The following TASOR variants were observed in gnomAD, a reference collection of about 807,000 sequenced individuals.
TASOR encodes protein TASOR.
A neutral mutation model predicts 178.6 loss-of-function variants in TASOR; 53 were observed. The observed-to-expected ratio is 0.30, with a 90% CI of 0.24 to 0.37. The LOEUF is 0.37. Ranked by LOEUF, TASOR falls within the 10% of genes least tolerant of loss-of-function variation. The pLI, the probability that TASOR is intolerant of heterozygous loss-of-function variation, is 1.00. For synonymous variants in TASOR, 713 were observed against 696.2 expected (o/e 1.02, Z -0.38); for missense variants, 1,815 against 1,971.4 (o/e 0.92, Z 1.50).
chr3:56,627,586 T>C lies in TASOR; in HGVS notation c.4026A>G (p.Thr1342=). The change falls in exon 20 of 24, where the codon ACA becomes ACG. Residue 1342 remains threonine (T), a synonymous_variant. Coordinates refer to ENST00000683822, the MANE Select transcript of TASOR (RefSeq NM_001365635.2). The stretch of plus-strand genomic sequence containing the variant: ...CTCAAAAGAACATCATCTTACCAAC[T>C]GTGACAACCTCTGGGTTTAGAATTG... ...DESILNPEVV[T]VENLKNFLTF... The C allele has an allele frequency of 1.2e-6, 2 of 1,613,934 alleles. No individual in the cohort carries two copies. Among genetic ancestry groups the C allele is most frequent in the Non-Finnish European group, 1.7e-6 (2 of 1,179,938 alleles).
intron 1 of TASOR, among the ~76,000 whole-genome samples, chr3:56,681,697 T>C (rs1443526545): frequency 6.6e-6 from 1 of 152,174 alleles, no homozygotes; most frequent in Non-Finnish European, 1.5e-5. Context: ...AAAAAGGAAG[T>C]TGTCTAAATT....
In TASOR at chr3:56,657,676, T is replaced by C. The variant is rs562057475; in HGVS notation, c.1368+3055A>G. Reference sequence around the variant, plus strand: ...AAGTCCAGAGGTGCCAAGAAGACTATGGAGATCTCCCTAAGCATTTACATT... The same window carrying C: ...AAGTCCAGAGGTGCCAAGAAGACTACGGAGATCTCCCTAAGCATTTACATT... On this transcript the variant is annotated intron_variant, in intron 11 of 23. Transcript: ENST00000683822. Among the ~76,000 whole-genome samples the C allele has an allele frequency of 4.6e-5, 7 of 152,318 alleles. No individual in the cohort carries two copies. The South Asian group carries it at 1.2e-3, about 27-fold the overall frequency.
At chr3:56,655,615 A>T (rs1425772466) in intron 11 of TASOR, among the ~76,000 whole-genome samples, 4 of 152,042 alleles carry the variant, frequency 2.6e-5, no homozygotes, top group Admixed American at 6.6e-5. Flanking sequence ...TAAAAATTTT[A>T]AAAAATAGAT....
At chr3:56,673,800 G>A in intron 1 of TASOR, 75 bp from the exon 2 acceptor site, 1 of 1,297,946 alleles carries the variant, frequency 7.7e-7, no homozygotes, top group East Asian at 2.6e-5. Flanking sequence ...ATTTTTGTGG[G>A]TTAATGTAAC....
At chr3:56,666,454 ATTTC>A in intron 6 of TASOR, 70 bp from the exon 7 acceptor site, 14 of 1,229,142 alleles carry the variant, frequency 1.1e-5, no homozygotes, top group Non-Finnish European at 1.5e-5. Context: ...TAACTGCCTG[ATTTC>A]TGAGAAATAG....
At position 56,640,132 on chromosome 3, in the gene TASOR, T is replaced by TA; in HGVS notation, c.2620-3dup. Reference sequence around the variant, plus strand: ...ATTCACGCTAATTAAATTTGGATCCTAAAAATCAAAGTACACACTGAATAG... The same window carrying TA: ...ATTCACGCTAATTAAATTTGGATCCTAAAAAATCAAAGTACACACTGAATAG... On this transcript the variant is annotated splice_polypyrimidine_tract_variant and splice_region_variant and intron_variant, in intron 15 of 23. Coordinates refer to ENST00000683822, the MANE Select transcript of TASOR (RefSeq NM_001365635.2). 6.2e-7 allele frequency: 1 copy of TA among 1,611,830 alleles called. No homozygotes were observed. Among genetic ancestry groups the TA allele is most frequent in the South Asian group, 1.1e-5 (1 of 90,402 alleles).
intron 11 of TASOR, among the ~76,000 whole-genome samples, chr3:56,657,980 A>G (rs1187464587): frequency 6.6e-6 from 1 of 152,238 alleles, no homozygotes; most frequent in Admixed American, 6.5e-5. Flanking sequence ...ACTAAGGCAA[A>G]GGAGGGCCAA....
At chr3:56,675,502 A>T (rs1364608775) in intron 1 of TASOR, among the ~76,000 whole-genome samples, 1 of 152,210 alleles carries the variant, frequency 6.6e-6, no homozygotes, top group Non-Finnish European at 1.5e-5. Context: ...AAACATTTAA[A>T]TCAACTATGC....
intron 11 of TASOR, among the ~76,000 whole-genome samples, chr3:56,656,790 T>C (rs1394781401): frequency 2.0e-5 from 3 of 151,644 alleles, no homozygotes; most frequent in Non-Finnish European, 4.4e-5. Context: ...GGCAGGCAGA[T>C]GATGAGGTCA....
chr3:56,638,191 C>A (rs932561581), intron 17 of TASOR, among the ~76,000 whole-genome samples: 3 of 151,802 alleles, frequency 2.0e-5, no homozygotes, highest in Admixed American at 1.3e-4. Flanking sequence ...ATGGTGAAAT[C>A]CCGTCTCTAC....
chr3:56,659,067 C>T (rs142974871), intron 11 of TASOR, among the ~76,000 whole-genome samples: 67 of 151,902 alleles, frequency 4.4e-4, no homozygotes, highest in African/African-American at 1.6e-3. Flanking sequence ...TATAACTCTG[C>T]CTGGAAGTTT....
rs1484678855 is a variant in TASOR at position 56,661,140 on chromosome 3, TTATTC to T, written c.1161-128_1161-124del. 1.7e-5 allele frequency: 11 copies of T among 637,610 alleles called. No homozygotes were observed. The East Asian group carries it at 3.0e-4, about 18-fold the overall frequency. The allele number at this position is 637,610 out of a possible 1,614,324, so 39.5% of individuals were successfully genotyped here. A position where few individuals can be genotyped will look rare whatever the true frequency, so the allele number is the denominator to read the frequency against. On this transcript the variant is annotated intron_variant, in intron 9 of 23. Coordinates refer to ENST00000683822, the MANE Select transcript of TASOR (RefSeq NM_001365635.2). ...AGAGCATATCTACGAATATCTCACC[TTATTC>T]TAAAGATCTTTTGTTTCGTTTGTGA...
intron 11 of TASOR, among the ~76,000 whole-genome samples, chr3:56,650,728 G>A (rs1214278974): frequency 6.6e-6 from 1 of 152,122 alleles, no homozygotes. Context: ...AAATCCTCAG[G>A]CCAAGTTACA....
intron 17 of TASOR, among the ~76,000 whole-genome samples, chr3:56,635,636 T>C (rs1429500279): frequency 6.6e-6 from 1 of 152,206 alleles, no homozygotes; most frequent in Non-Finnish European, 1.5e-5. Flanking sequence ...ACTACCTTAA[T>C]TTAAAAAATT....
At position 56,627,070 on chromosome 3, in the gene TASOR, C is replaced by T. The variant is rs1010027784; in HGVS notation, c.4106G>A (p.Cys1369Tyr). 4 of 1,611,776 alleles carry T rather than the reference C, an allele frequency of 2.5e-6. No homozygotes were observed. Among genetic ancestry groups the T allele is most frequent in the Non-Finnish European group, 3.4e-6 (4 of 1,178,898 alleles). ...TTCCTTTAGTTTCTTCTGAAATTTA[C>T]AGTGGACTTTCCATTGCCATTTTCC... ...PEGKWQWKVHCKFQKKLKELG... is the reference protein window; with the variant it reads ...PEGKWQWKVHYKFQKKLKELG... Residue 1369 changes from cysteine (C) to tyrosine (Y), a missense_variant, in exon 21 of 24, where the codon TGT becomes TAT. This residue lies in a region of TASOR where 134 missense variants were observed against 195.2 expected (regional missense o/e 0.69). Coordinates refer to ENST00000683822, the MANE Select transcript of TASOR (RefSeq NM_001365635.2).
intron 6 of TASOR, among the ~76,000 whole-genome samples, chr3:56,666,698 A>G (rs994053269): frequency 6.6e-6 from 1 of 152,220 alleles, no homozygotes; most frequent in African/African-American, 2.4e-5. Flanking sequence ...AGGTCAGCTC[A>G]GAATAGCCAA....
intron 5 of TASOR, among the ~76,000 whole-genome samples, chr3:56,668,911 T>C (rs1028840131): frequency 6.6e-6 from 1 of 152,196 alleles, no homozygotes. Flanking sequence ...AGGCGGAGGT[T>C]GCAGTGAGCC....
chr3:56,624,467 C>T lies in TASOR; in HGVS notation c.4483+12G>A. 1.9e-6 allele frequency: 3 copies of T among 1,608,648 alleles called. No homozygotes were observed. The highest frequency in any genetic ancestry group is 1.7e-4 in the Middle Eastern group (1 of 6,018). ...TCTGCGTTAAAGAAAATGAAAACCA[C>T]TGAAAAGTTACCTGACTGCGACTCA... On this transcript the variant is annotated intron_variant, in intron 23 of 23. Transcript: ENST00000683822.
Position 56,673,696 on chromosome 3 carries a change from G to A in TASOR, c.361C>T (p.Arg121Ter). 1.3e-6 allele frequency: 2 copies of A among 1,548,716 alleles called. No individual in the cohort carries two copies. The highest frequency in any genetic ancestry group is 8.7e-7 in the Non-Finnish European group (1 of 1,146,198). The change falls in exon 2 of 24, where the codon CGA (arginine) becomes TGA (stop). Residue 121 changes from arginine to a stop codon, truncating the protein, a stop_gained. Coordinates refer to ENST00000683822, the MANE Select transcript of TASOR (RefSeq NM_001365635.2). LOFTEE classifies it high-confidence loss of function. ...ALFQPLTPGS[R>*]EFEDVVNILH... ...ATATTTACAACATCTTCAAATTCTC[G>A]AGAGCCTGGAGTTAATGGCTGGAAA...
Sources: allele counts gnomAD v4.1 joint callset (sites outside exome capture counted in the v4.1 genomes callset), GRCh38; gene constraint gnomAD v4.1.1; regional missense constraint gnomAD v4.1.1; transcripts MANE v1.5; gene names NCBI Gene and HGNC (gene_info 2026-07-23, HGNC 2026-07-21).